Variants in SMAD2 observed in about 807,000 individuals in gnomAD.
SMAD2 encodes SMAD family member 2.
Under a neutral mutation model 64.4 loss-of-function variants are expected in SMAD2, and 8 were observed. That is an observed-to-expected ratio of 0.12 (90% CI 0.07 to 0.22). SMAD2 has a LOEUF of 0.22. SMAD2 is among the 10% of genes least tolerant of loss of function. The pLI, the probability that SMAD2 is intolerant of heterozygous loss-of-function variation, is 1.00. For synonymous variants in SMAD2, 203 were observed against 195.8 expected (o/e 1.04, Z -0.31); for missense variants, 289 against 561.2 (o/e 0.51, Z 4.90).
intron 2 of SMAD2, among the ~76,000 whole-genome samples, chr18:47,872,609 G>A (rs2032004743): frequency 6.6e-6 from 1 of 152,144 alleles, no homozygotes; most frequent in South Asian, 2.1e-4. Flanking sequence ...GAGCAGCAGG[G>A]GAGAGACCAT....
At chr18:47,924,288 T>C (rs1405545105) in intron 1 of SMAD2, among the ~76,000 whole-genome samples, 1 of 146,950 alleles carries the variant, frequency 6.8e-6, no homozygotes, top group Non-Finnish European at 1.5e-5. Flanking sequence ...TGGATCTCAA[T>C]AAGGAAAATT....
chr18:47,919,900 A>AT (rs1390891135), intron 1 of SMAD2, among the ~76,000 whole-genome samples: 4 of 152,208 alleles, frequency 2.6e-5, no homozygotes, highest in Non-Finnish European at 4.4e-5. Context: ...ATATGTATGG[A>AT]TTTCTTTAGA....
In SMAD2 at chr18:47,826,404, T is replaced by A. The variant is rs1422868450; in HGVS notation, c.*15423A>T. On this transcript the variant is annotated 3_prime_UTR_variant, in exon 11 of 11. Coordinates refer to ENST00000262160, the MANE Select transcript of SMAD2 (RefSeq NM_005901.6). ...CTGTAGTGCCTTTCCACACTGGGTT[T>A]AGCCATGTGGCTTGTTTCTGGTGAA... 1 of 152,272 alleles carries A rather than the reference T, an allele frequency of 6.6e-6. No individual in the cohort carries two copies. Among genetic ancestry groups the A allele is most frequent in the Admixed American group, 6.5e-5 (1 of 15,282 alleles). 9.4% of individuals were successfully genotyped at this position (152,272 alleles called of 1,614,324 possible).
rs905317484 is a variant in SMAD2, at chr18:47,818,860, A to G, written c.*22967T>C. On this transcript the variant is annotated 3_prime_UTR_variant, in exon 11 of 11. Transcript: ENST00000262160. Reference sequence around the variant, plus strand: ...ATTCTGCATGTTTACCCAGCTGAGCAGGTCCCACTTTCTCAGAAATATAAT... The same window carrying G: ...ATTCTGCATGTTTACCCAGCTGAGCGGGTCCCACTTTCTCAGAAATATAAT... 3.9e-5 allele frequency: 6 copies of G among 152,272 alleles called. No individual in the cohort carries two copies. The highest frequency in any genetic ancestry group is 6.5e-5 in the Admixed American group (1 of 15,288). 9.4% of individuals were successfully genotyped at this position (152,272 alleles called of 1,614,324 possible). A position where few individuals can be genotyped will look rare whatever the true frequency, so the allele number is the denominator to read the frequency against.
chr18:47,902,413 A>G (rs2033720608), intron 1 of SMAD2, among the ~76,000 whole-genome samples: 1 of 152,238 alleles, frequency 6.6e-6, no homozygotes, highest in Admixed American at 6.5e-5. Context: ...CCATTTGAAT[A>G]GTAAGTCTTC....
chr18:47,842,037 AT>A, intron 10 of SMAD2, 87 bp from the exon 11 acceptor site: 1 of 1,398,606 alleles, frequency 7.1e-7, no homozygotes. Context: ...TGCATTAAAA[AT>A]TTACAGAAAT....
intron 1 of SMAD2, among the ~76,000 whole-genome samples, chr18:47,926,179 A>AT (rs762556142): frequency 6.6e-6 from 1 of 152,238 alleles, no homozygotes; most frequent in African/African-American, 2.4e-5. Context: ...CATCTTGGTC[A>AT]TAACAGCTAC....
At position 47,839,777 on chromosome 18, in the gene SMAD2, A is replaced by G. The variant is rs995628729; in HGVS notation, c.*2050T>C. On this transcript the variant is annotated 3_prime_UTR_variant, in exon 11 of 11. Coordinates refer to ENST00000262160, the MANE Select transcript of SMAD2 (RefSeq NM_005901.6). ...TTTCCTTTAGTGTGAACCTTTTTGC[A>G]TTTGATGCTATTCTCTTTGCCAGGA... is the stretch of plus-strand genomic sequence containing the variant. 2 of 233,106 alleles carry G rather than the reference A, an allele frequency of 8.6e-6. No individual in the cohort carries two copies. Among genetic ancestry groups the G allele is most frequent in the Non-Finnish European group, 1.7e-5 (2 of 118,034 alleles). The allele number at this position is 233,106 out of a possible 1,614,324, so 14.4% of individuals were successfully genotyped here. A position where few individuals can be genotyped will look rare whatever the true frequency, so the allele number is the denominator to read the frequency against.
intron 6 of SMAD2, among the ~76,000 whole-genome samples, chr18:47,861,467 A>T (rs964678863): frequency 6.6e-6 from 1 of 152,212 alleles, no homozygotes; most frequent in Non-Finnish European, 1.5e-5. Context: ...ACAAAAATCA[A>T]GTATTTCCCA....
intron 6 of SMAD2, among the ~76,000 whole-genome samples, chr18:47,853,075 T>G (rs918723752): frequency 1.3e-5 from 2 of 152,152 alleles, no homozygotes; most frequent in Admixed American, 6.5e-5. Flanking sequence ...CTCATGCCTG[T>G]AATCCCAGCA....
At chr18:47,896,951 C>A in intron 1 of SMAD2, 142 bp from the exon 2 acceptor site, 2 of 725,052 alleles carry the variant, frequency 2.8e-6, no homozygotes, top group South Asian at 1.7e-5. Flanking sequence ...CCCATGAAAA[C>A]GTTATCTTTA....
In SMAD2 at chr18:47,861,859, G is replaced by C. The variant is rs912911091; in HGVS notation, c.730+3200C>G. ...TTCATACAGTGCTTATTACAGGTTA[G>C]AACACATAGATGCCTTATAAATATC... On this transcript the variant is annotated intron_variant, in intron 6 of 10. Transcript: ENST00000262160. Among the ~76,000 whole-genome samples the C allele has an allele frequency of 7.2e-5, 11 of 152,266 alleles. 1 individual carries two copies. In the South Asian group the frequency reaches 2.3e-3, roughly 32 times the overall value.
Position 47,901,706 on chromosome 18 carries a change from T to C in SMAD2, c.-53-4897A>G, listed in dbSNP as rs139293850. ...CATAGAACACTGCTGAGTAGCAGTT[T>C]TGCTATGAAGGAGACTACCTCTGGT... is the stretch of plus-strand genomic sequence containing the variant. On this transcript the variant is annotated intron_variant, in intron 1 of 10. Transcript: ENST00000262160. Among the ~76,000 whole-genome samples the C allele has an allele frequency of 4.6e-5, 7 of 152,298 alleles. No homozygotes were observed. The East Asian group carries it at 1.3e-3, about 29-fold the overall frequency.
chr18:47,863,664 A>G (rs1329714201), intron 6 of SMAD2, among the ~76,000 whole-genome samples: 1 of 152,210 alleles, frequency 6.6e-6, no homozygotes, highest in Non-Finnish European at 1.5e-5. Context: ...TCCATTGCAG[A>G]AACATACCTC....
chr18:47,852,038 T>C (rs903995638), intron 6 of SMAD2, among the ~76,000 whole-genome samples: 9 of 152,214 alleles, frequency 5.9e-5, no homozygotes, highest in African/African-American at 1.9e-4. Context: ...TTATTGCTTC[T>C]AGATGAAAAC....
intron 10 of SMAD2, among the ~76,000 whole-genome samples, 154 bp from the exon 11 acceptor site, chr18:47,842,104 CAA>C (rs1314031675): frequency 6.6e-6 from 1 of 152,192 alleles, no homozygotes; most frequent in Non-Finnish European, 1.5e-5. Flanking sequence ...GGTTGATCCT[CAA>C]AGTCAAAGTA....
At position 47,827,900 on chromosome 18, in the gene SMAD2, AC is replaced by A; in HGVS notation, c.*13926del. The A allele has an allele frequency of 5.6e-6, 1 of 179,220 alleles. No individual in the cohort carries two copies. Among genetic ancestry groups the A allele is most frequent in the Admixed American group, 6.4e-5 (1 of 15,692 alleles). The allele number at this position is 179,220 out of a possible 1,614,324, so 11.1% of individuals were successfully genotyped here. ...AGATTGCAGCCTCTGCCCGGCCGCC[AC>A]CCCGTCTGGGAAGTGAGGAGCATCT... is the stretch of plus-strand genomic sequence containing the variant. On this transcript the variant is annotated 3_prime_UTR_variant, in exon 11 of 11. Coordinates refer to ENST00000262160, the MANE Select transcript of SMAD2 (RefSeq NM_005901.6).
intron 5 of SMAD2, among the ~76,000 whole-genome samples, chr18:47,865,514 A>G (rs989124060): frequency 1.3e-5 from 2 of 152,208 alleles, no homozygotes; most frequent in Admixed American, 1.3e-4. Flanking sequence ...TCTAATGAAC[A>G]TCGTTATTTT....
intron 5 of SMAD2, among the ~76,000 whole-genome samples, chr18:47,866,243 G>A (rs146321219): frequency 1.4e-5 from 2 of 140,074 alleles, no homozygotes; most frequent in East Asian, 2.2e-4. Context: ...TTGAACCCAG[G>A]AGGTGGAGGC....
Sources: allele counts gnomAD v4.1 joint callset (sites outside exome capture counted in the v4.1 genomes callset), GRCh38; gene constraint gnomAD v4.1.1; transcripts MANE v1.5; gene names NCBI Gene and HGNC (gene_info 2026-07-23, HGNC 2026-07-21).